Variants in RBFOX1 observed in about 807,000 individuals in gnomAD.
RBFOX1 encodes RNA binding fox-1 homolog 1, also known as RNA binding protein fox-1 homolog 1.
RBFOX1 carries 8 observed loss-of-function variants against 57.7 expected under a neutral mutation model. That is an observed-to-expected ratio of 0.14 (90% CI 0.08 to 0.25). The LOEUF is 0.25. RBFOX1 is among the 10% of genes least tolerant of loss of function. The probability of loss-of-function intolerance (pLI) is 1.00; values close to 1 mark genes in which losing one functional copy is unlikely to be tolerated. For synonymous variants in RBFOX1, 326 were observed against 222.4 expected (o/e 1.47, Z -4.15); for missense variants, 611 against 548.5 (o/e 1.11, Z -1.14).
At chr16:5,988,363 C>T (rs1024336160) in intron 4 of RBFOX1, among the ~76,000 whole-genome samples, 1 of 152,160 alleles carries the variant, frequency 6.6e-6, no homozygotes, top group Non-Finnish European at 1.5e-5. Flanking sequence ...TATCCTAATT[C>T]AAAGTGATTA....
chr16:6,839,251 C>T (rs148486597), intron 3 of RBFOX1, among the ~76,000 whole-genome samples: 5 of 152,238 alleles, frequency 3.3e-5, no homozygotes, highest in African/African-American at 1.2e-4. Context: ...CCCCAAAGTG[C>T]TGGGATTACA....
intron 4 of RBFOX1, among the ~76,000 whole-genome samples, chr16:7,251,447 G>C (rs1047829742): frequency 3.4e-5 from 4 of 118,698 alleles, no homozygotes; most frequent in Admixed American, 9.2e-5. Context: ...TTTTGTTCTT[G>C]TTGCCCAGGC....
intron 2 of RBFOX1, among the ~76,000 whole-genome samples, chr16:6,586,287 G>A (rs1298653355): frequency 6.6e-6 from 1 of 152,184 alleles, no homozygotes; most frequent in Non-Finnish European, 1.5e-5. Context: ...CAACCTCAGT[G>A]TATTCTATAT....
intron 1 of RBFOX1, among the ~76,000 whole-genome samples, chr16:5,464,542 T>C (rs1048754530): frequency 6.6e-6 from 1 of 152,222 alleles, no homozygotes; most frequent in African/African-American, 2.4e-5. Context: ...CCAAGGGTCC[T>C]TGCATCATCT....
At chr16:5,911,374 A>G (rs927680183) in intron 4 of RBFOX1, among the ~76,000 whole-genome samples, 7 of 152,198 alleles carry the variant, frequency 4.6e-5, no homozygotes, top group Non-Finnish European at 8.8e-5. Context: ...ATCTTGTGCC[A>G]CAGCCGTATC....
chr16:7,401,552 A>C (rs1358017826), intron 4 of RBFOX1, among the ~76,000 whole-genome samples: 1 of 152,210 alleles, frequency 6.6e-6, no homozygotes, highest in African/African-American at 2.4e-5. Flanking sequence ...TAACAATGCA[A>C]GCCTCTGGGC....
chr16:7,674,055 A>G (rs1291288018), intron 13 of RBFOX1, among the ~76,000 whole-genome samples: 1 of 152,216 alleles, frequency 6.6e-6, no homozygotes, highest in East Asian at 1.9e-4. Flanking sequence ...AGGAAAATTA[A>G]AGCAATTTGT....
At chr16:6,165,971 A>C (rs781191419) in intron 1 of RBFOX1, among the ~76,000 whole-genome samples, 2 of 152,156 alleles carry the variant, frequency 1.3e-5, no homozygotes, top group Non-Finnish European at 2.9e-5. Context: ...TGGGAAAGGG[A>C]TGCTTAATGT....
At chr16:5,522,537 T>C (rs2044062065) in intron 2 of RBFOX1, among the ~76,000 whole-genome samples, 1 of 152,238 alleles carries the variant, frequency 6.6e-6, no homozygotes, top group South Asian at 2.1e-4. Flanking sequence ...TATTTCGATG[T>C]GTTGGAAAAT....
At chr16:6,083,557 G>A (rs1468262286) in intron 1 of RBFOX1, among the ~76,000 whole-genome samples, 4 of 152,008 alleles carry the variant, frequency 2.6e-5, no homozygotes, top group Admixed American at 6.6e-5. Context: ...GCTCACTGCA[G>A]CCTCAACCTC....
intron 3 of RBFOX1, among the ~76,000 whole-genome samples, chr16:6,737,848 T>C (rs1457798940): frequency 6.6e-6 from 1 of 152,188 alleles, no homozygotes; most frequent in East Asian, 1.9e-4. Flanking sequence ...TTGCAGACTT[T>C]TCCTAAACAA....
At chr16:7,530,198 T>C (rs1567687233) in intron 5 of RBFOX1, among the ~76,000 whole-genome samples, 1 of 152,112 alleles carries the variant, frequency 6.6e-6, no homozygotes, top group Admixed American at 6.6e-5. Flanking sequence ...AGACAGAAAG[T>C]GACCTGCCTG....
intron 3 of RBFOX1, among the ~76,000 whole-genome samples, chr16:7,039,426 T>C (rs936501834): frequency 6.6e-6 from 1 of 152,214 alleles, no homozygotes; most frequent in African/African-American, 2.4e-5. Context: ...CAAGCTATTT[T>C]CTCAAGTGTA....
At chr16:5,810,177 G>A (rs1025328915) in intron 3 of RBFOX1, among the ~76,000 whole-genome samples, 1 of 146,704 alleles carries the variant, frequency 6.8e-6, no homozygotes, top group Non-Finnish European at 1.5e-5. Context: ...GACTGTTATA[G>A]GGTTGGGGGA....
chr16:5,988,857 G>T (rs1051002510), intron 4 of RBFOX1, among the ~76,000 whole-genome samples: 4 of 152,098 alleles, frequency 2.6e-5, no homozygotes, highest in African/African-American at 9.7e-5. Flanking sequence ...ATGAAACACA[G>T]CTCTTTGGCA....
chr16:5,991,766 A>G (rs1232183401), intron 4 of RBFOX1, among the ~76,000 whole-genome samples: 1 of 151,860 alleles, frequency 6.6e-6, no homozygotes, highest in Non-Finnish European at 1.5e-5. Flanking sequence ...AGCCCTGCCA[A>G]TAATCAACAA....
At chr16:6,069,983 T>C (rs983291006) in intron 1 of RBFOX1, among the ~76,000 whole-genome samples, 1 of 152,170 alleles carries the variant, frequency 6.6e-6, no homozygotes, top group Admixed American at 6.5e-5. Flanking sequence ...GGAGATTCTG[T>C]CTCAACAAAT....
rs1373907599 is a variant in RBFOX1 at position 5,956,639 on chromosome 16, A to AAT, written c.351+89321_351+89322dup. On this transcript the variant is annotated intron_variant, in intron 4 of 19. Transcript: ENST00000641259. ...ATTGGTAAATTCTTAGCAAAAAACA[A>AAT]ATATATATATATATATATTTATATA... is the stretch of plus-strand genomic sequence containing the variant. Among the ~76,000 whole-genome samples, 736 of 123,438 alleles carry AAT rather than the reference A, an allele frequency of 6.0e-3. 3 individuals carry two copies. The highest frequency in any genetic ancestry group is 0.015 in the East Asian group (68 of 4,546). The allele number at this position is 123,438 out of a possible 152,430, so 81.0% of individuals were successfully genotyped here.
rs549026982 is a variant in RBFOX1, at chr16:7,554,662, A to T, written c.271-25115A>T. 2.7e-4 allele frequency among the ~76,000 whole-genome samples: 40 copies of T among 150,750 alleles called. No homozygotes were observed. In the South Asian group the frequency reaches 7.5e-3, roughly 28 times the overall value. On this transcript the variant is annotated intron_variant, in intron 5 of 15. Transcript: ENST00000550418. ...TTGAGCCTCTAACCTTTTTTTTTTTAATTTTTTTATTTTTAAGCACCCTAC... is the reference window on the plus strand; with the variant it reads ...TTGAGCCTCTAACCTTTTTTTTTTTTATTTTTTTATTTTTAAGCACCCTAC...
Sources: gnomAD v4.1 joint callset for allele counts (sites outside exome capture counted in the v4.1 genomes callset) on GRCh38, gnomAD v4.1.1 for gene constraint, MANE v1.5 for transcripts, NCBI Gene and HGNC (gene_info 2026-07-23, HGNC 2026-07-21) for gene names.